Variants in BAIAP2L1 observed in about 807,000 individuals in gnomAD.
BAIAP2L1 encodes BAR/IMD domain containing adaptor protein 2 like 1, also known as BAR/IMD domain-containing adapter protein 2-like 1.
In BAIAP2L1, 35 loss-of-function variants were observed where a neutral mutation model predicts 66.3. The ratio of observed to expected loss-of-function variants is 0.53; its 90% CI spans 0.40 to 0.70. The LOEUF is 0.70. Ranked by LOEUF, BAIAP2L1 falls within the 30% of genes least tolerant of loss-of-function variation. The probability of loss-of-function intolerance (pLI) is 0.00; values close to 1 mark genes in which losing one functional copy is unlikely to be tolerated. For synonymous variants in BAIAP2L1, 269 were observed against 248.7 expected (o/e 1.08, Z -0.77); for missense variants, 622 against 656.9 (o/e 0.95, Z 0.58).
intron 3 of BAIAP2L1, among the ~76,000 whole-genome samples, chr7:98,342,900 C>T (rs1801777101): frequency 1.3e-5 from 2 of 152,006 alleles, no homozygotes; most frequent in Admixed American, 1.3e-4. Context: ...ATGTCAGATT[C>T]CTTTTTTAAA....
At chr7:98,313,114 TCCCCAAATGCCACCCCAC>T (rs1800932341) in intron 7 of BAIAP2L1, among the ~76,000 whole-genome samples, 1 of 145,560 alleles carries the variant, frequency 6.9e-6, no homozygotes, top group Admixed American at 6.9e-5. Context: ...ACCACCCCTG[TCCCCAAATGCCACCCCAC>T]CCCCAACTGT....
In BAIAP2L1 at chr7:98,382,213, G is replaced by A. The variant is rs866162027; in HGVS notation, c.51+18589C>T. 5.9e-5 allele frequency among the ~76,000 whole-genome samples: 9 copies of A among 152,236 alleles called. No homozygotes were observed. In the South Asian group the frequency reaches 1.2e-3, roughly 21 times the overall value. ...CTGGGTTATAGGCGTGAGCAACCGTGCCCAGCCAAAATCTAGGTTTTCAAT... is the reference window on the plus strand; with the variant it reads ...CTGGGTTATAGGCGTGAGCAACCGTACCCAGCCAAAATCTAGGTTTTCAAT... On this transcript the variant is annotated intron_variant, in intron 1 of 13. Coordinates refer to ENST00000005260, the MANE Select transcript of BAIAP2L1 (RefSeq NM_018842.5).
chr7:98,300,141 G>C (rs1165010034), intron 12 of BAIAP2L1, among the ~76,000 whole-genome samples: 2 of 152,246 alleles, frequency 1.3e-5, no homozygotes, highest in African/African-American at 4.8e-5. Flanking sequence ...CCCTGTGGCT[G>C]CTGGACTGGG....
chr7:98,304,921 A>T (rs1342034802), intron 11 of BAIAP2L1, among the ~76,000 whole-genome samples: 1 of 148,628 alleles, frequency 6.7e-6, no homozygotes, highest in Non-Finnish European at 1.5e-5. Flanking sequence ...GGTGGAGTGC[A>T]GTGGCGCGAT....
Position 98,293,134 on chromosome 7 carries a change from A to G in BAIAP2L1, c.*387T>C, listed in dbSNP as rs926407290. 8.5e-6 allele frequency: 3 copies of G among 354,492 alleles called. No individual in the cohort carries two copies. The highest frequency in any genetic ancestry group is 4.3e-5 in the African/African-American group (2 of 46,656). The allele number at this position is 354,492 out of a possible 1,614,324, so 22.0% of individuals were successfully genotyped here. ...ATGCTATTAAGAGCACATGCTTTAT[A>G]AAATAAAACTGGTCTCATTCATATC... On this transcript the variant is annotated 3_prime_UTR_variant, in exon 14 of 14. Coordinates refer to ENST00000005260, the MANE Select transcript of BAIAP2L1 (RefSeq NM_018842.5).
intron 3 of BAIAP2L1, among the ~76,000 whole-genome samples, chr7:98,330,204 G>T (rs1362015176): frequency 6.6e-6 from 1 of 152,192 alleles, no homozygotes; most frequent in East Asian, 1.9e-4. Context: ...GGAATTATCA[G>T]ACAGAGAACT....
Position 98,307,693 on chromosome 7 carries a change from T to C in BAIAP2L1, c.1159A>G (p.Lys387Glu). Reference protein sequence around the residue: ...GWLYGEHDVSKARGWFPSSYT... With the variant: ...GWLYGEHDVSEARGWFPSSYT... ...GACCATCACGCCCAGACTTACGCCT[T>C]GGACACGTCGTGTTCTCCATAGAGC... The change falls in exon 10 of 14, where the codon AAG becomes GAG. Residue 387 changes from lysine (K) to glutamate (E), a missense_variant. Physicochemically the swap from Lys to Glu is moderately conservative, Grantham distance 56. Transcript: ENST00000005260. 1 of 1,613,956 alleles carries C rather than the reference T, an allele frequency of 6.2e-7. No individual in the cohort carries two copies.
chr7:98,388,516 T>C (rs1802950120), intron 1 of BAIAP2L1, among the ~76,000 whole-genome samples: 1 of 141,420 alleles, frequency 7.1e-6, no homozygotes. Context: ...AACAAACCCA[T>C]GTTTTGCATG....
intron 3 of BAIAP2L1, among the ~76,000 whole-genome samples, chr7:98,347,711 C>T (rs1259195924): frequency 1.3e-5 from 2 of 151,692 alleles, no homozygotes; most frequent in Non-Finnish European, 2.9e-5. Flanking sequence ...GGAAGCGGAG[C>T]GTGCAGTGAG....
At chr7:98,301,997 C>T (rs898398113) in intron 12 of BAIAP2L1, among the ~76,000 whole-genome samples, 2 of 152,090 alleles carry the variant, frequency 1.3e-5, no homozygotes, top group East Asian at 1.9e-4. Flanking sequence ...CTCTGCTGCC[C>T]GAGGAAGTGG....
Position 98,307,748 on chromosome 7 carries a change from C to T in BAIAP2L1, c.1104G>A (p.Thr368=), listed in dbSNP as rs140203225. The T allele has an allele frequency of 2.2e-5, 36 of 1,614,122 alleles. No individual in the cohort carries two copies. Among genetic ancestry groups the T allele is most frequent in the East Asian group, 2.2e-4 (10 of 44,896 alleles). ...LLSFAQGDVI[T]LLIPEEKDGW... ...CATCCTTCTCCTCGGGGATGAGCAGCGTGATGACATCTCCCTGTGCAAAGC... is the reference window on the plus strand; with the variant it reads ...CATCCTTCTCCTCGGGGATGAGCAGTGTGATGACATCTCCCTGTGCAAAGC... Residue 368 remains threonine (T), a synonymous_variant, in exon 10 of 14, where the codon ACG becomes ACA. Coordinates refer to ENST00000005260, the MANE Select transcript of BAIAP2L1 (RefSeq NM_018842.5).
chr7:98,375,327 G>A (rs942049920), intron 1 of BAIAP2L1, among the ~76,000 whole-genome samples: 1 of 151,650 alleles, frequency 6.6e-6, no homozygotes, highest in Non-Finnish European at 1.5e-5. Context: ...CTGGGAGGCG[G>A]AGGTTGCAGT....
At chr7:98,344,430 C>T in intron 3 of BAIAP2L1, among the ~76,000 whole-genome samples, 1 of 152,132 alleles carries the variant, frequency 6.6e-6, no homozygotes, top group East Asian at 1.9e-4. Context: ...GAAGAAAGAG[C>T]AAGGACACAT....
intron 1 of BAIAP2L1, among the ~76,000 whole-genome samples, chr7:98,393,516 G>T (rs1364060718): frequency 1.4e-5 from 2 of 147,390 alleles, no homozygotes; most frequent in Non-Finnish European, 3.0e-5. Flanking sequence ...ATTTTTTTTT[G>T]AGACGGAGTC....
intron 2 of BAIAP2L1, among the ~76,000 whole-genome samples, chr7:98,355,596 G>A (rs1188195494): frequency 6.6e-6 from 1 of 151,914 alleles, no homozygotes; most frequent in Non-Finnish European, 1.5e-5. Context: ...AGGCATGGTG[G>A]AGTGTGCCTG....
intron 2 of BAIAP2L1, among the ~76,000 whole-genome samples, chr7:98,360,359 G>T (rs74915548): frequency 0.018 from 2,767 of 152,218 alleles, 87 homozygotes; most frequent in African/African-American, 0.063. Context: ...GTGTTCTAAC[G>T]TAACTGTGGA....
At position 98,295,405 on chromosome 7, in the gene BAIAP2L1, T is replaced by C. The variant is rs570078896; in HGVS notation, c.1423-1294A>G. Among the ~76,000 whole-genome samples, 285 of 152,310 alleles carry C rather than the reference T, an allele frequency of 1.9e-3. 1 individual carries two copies. The highest frequency in any genetic ancestry group is 6.5e-3 in the African/African-American group (272 of 41,586). ...CTTGCACATCCTACAGGGCTTTAAATGGCCGCAAAAGTGACTTCCTGCGGG... is the reference window on the plus strand; with the variant it reads ...CTTGCACATCCTACAGGGCTTTAAACGGCCGCAAAAGTGACTTCCTGCGGG... On this transcript the variant is annotated intron_variant, in intron 12 of 13. Transcript: ENST00000005260.
chr7:98,354,367 T>G (rs1802072226), intron 3 of BAIAP2L1, among the ~76,000 whole-genome samples: 3 of 152,152 alleles, frequency 2.0e-5, no homozygotes, highest in Admixed American at 2.0e-4. Flanking sequence ...CGCACACACT[T>G]TACCATGATT....
At chr7:98,330,550 G>A (rs113538214) in intron 3 of BAIAP2L1, among the ~76,000 whole-genome samples, 18 of 152,272 alleles carry the variant, frequency 1.2e-4, no homozygotes, top group Admixed American at 6.5e-4. Context: ...CCAGCTACTC[G>A]GGAGGCTGAG....
Sources: gnomAD v4.1 joint callset for allele counts (sites outside exome capture counted in the v4.1 genomes callset) on GRCh38, gnomAD v4.1.1 for gene constraint, MANE v1.5 for transcripts, NCBI Gene and HGNC (gene_info 2026-07-23, HGNC 2026-07-21) for gene names.